Variants in NOMO2 observed in about 807,000 individuals in gnomAD.
NOMO2 encodes BOS complex subunit NOMO2.
NOMO2 carries 14 observed loss-of-function variants against 67.1 expected under a neutral mutation model. The ratio of observed to expected loss-of-function variants is 0.21; its 90% confidence interval spans 0.14 to 0.33. The LOEUF (loss-of-function observed/expected upper bound fraction) is 0.33. Among genes scored for constraint, NOMO2 ranks in the 10% least tolerant of loss-of-function variants. The pLI is 1.00. For synonymous variants in NOMO2, 80 were observed against 305.9 expected, an observed-to-expected ratio of 0.26 and a Z score of 7.71; for missense variants, 178 against 761.0, an observed-to-expected ratio of 0.23 and a Z score of 9.01.
At chr16:18,529,335 G>C (rs1399750178) in intron 15 of NOMO2, 166 bp downstream of exon 15, 2 of 1,189,978 alleles carry the variant, frequency 1.7e-6, no homozygotes, top group Admixed American at 2.0e-5. Context: ...CACTGAGAGA[G>C]TATAAATGCT....
At chr16:18,560,364 G>C (rs59167722) in intron 1 of NOMO2, among the ~76,000 whole-genome samples, 1,937 of 151,182 alleles carry the variant, frequency 0.013, 43 homozygotes, top group African/African-American at 0.045. Context: ...GAGGGTGGAG[G>C]GGGGTGCCTG....
At chr16:18,529,404 C>T (rs1239426294) in intron 15 of NOMO2, 97 bp downstream of exon 15, 1 of 1,610,788 alleles carries the variant, frequency 6.2e-7, no homozygotes, top group Non-Finnish European at 8.5e-7. Context: ...GGAAATCTGA[C>T]TTGCCTACGT....
At chr16:18,550,419 G>A (rs960083445) in intron 4 of NOMO2, among the ~76,000 whole-genome samples, 2 of 150,670 alleles carry the variant, frequency 1.3e-5, no homozygotes, top group Non-Finnish European at 3.0e-5. Flanking sequence ...CCATTATTTT[G>A]CAAACCATCG....
chr16:18,558,953 C>T (rs1480137607), intron 1 of NOMO2: 4 of 446,936 alleles, frequency 8.9e-6, no homozygotes, highest in African/African-American at 6.0e-5. Flanking sequence ...AGGAGGATCA[C>T]CTGAGCCCAG....
chr16:18,555,662 G>A (rs532021844), intron 2 of NOMO2, among the ~76,000 whole-genome samples: 6 of 147,722 alleles, frequency 4.1e-5, no homozygotes, highest in African/African-American at 1.2e-4. Flanking sequence ...AGGCTGGAGT[G>A]AAGTGGTGCG....
intron 1 of NOMO2, among the ~76,000 whole-genome samples, chr16:18,559,972 G>C (rs1485788176): frequency 6.6e-6 from 1 of 151,600 alleles, no homozygotes; most frequent in Admixed American, 6.6e-5. Flanking sequence ...ATCCACACTG[G>C]GGACAAGGCT....
At chr16:18,537,129 A>G (rs928883472) in intron 11 of NOMO2, among the ~76,000 whole-genome samples, 6 of 152,062 alleles carry the variant, frequency 3.9e-5, no homozygotes, top group Non-Finnish European at 7.4e-5. Flanking sequence ...ACCTGCGGCC[A>G]AATCTTCAGG....
chr16:18,536,619 G>A (rs1901429737), intron 11 of NOMO2, among the ~76,000 whole-genome samples: 1 of 152,054 alleles, frequency 6.6e-6, no homozygotes, highest in Non-Finnish European at 1.5e-5. Context: ...CCAAAGTGCT[G>A]GGATGGATTA....
intron 1 of NOMO2, among the ~76,000 whole-genome samples, chr16:18,561,370 T>A (rs957418193): frequency 1.3e-4 from 20 of 150,308 alleles, no homozygotes; most frequent in African/African-American, 4.7e-4. Flanking sequence ...ATCTATGGGA[T>A]GGGAATTGAT....
chr16:18,528,441 T>C (rs1160851347), intron 15 of NOMO2, among the ~76,000 whole-genome samples: 1 of 151,926 alleles, frequency 6.6e-6, no homozygotes, highest in Non-Finnish European at 1.5e-5. Context: ...AGTTGGCACA[T>C]GAAACACCAG....
intron 15 of NOMO2, among the ~76,000 whole-genome samples, chr16:18,528,231 G>A (rs2141716726): frequency 6.7e-6 from 1 of 149,882 alleles, no homozygotes; most frequent in South Asian, 2.2e-4. Context: ...GGGGACAGTG[G>A]GAGGAGATAA....
intron 1 of NOMO2, among the ~76,000 whole-genome samples, chr16:18,559,180 A>C (rs1287659348): frequency 6.6e-6 from 1 of 152,008 alleles, no homozygotes; most frequent in African/African-American, 2.4e-5. Flanking sequence ...AACAAAATAA[A>C]ATAAGTAAAA....
At chr16:18,526,324 T>A (rs887983070) in intron 16 of NOMO2, among the ~76,000 whole-genome samples, 3 of 152,078 alleles carry the variant, frequency 2.0e-5, no homozygotes, top group African/African-American at 7.2e-5. Flanking sequence ...GGTGGGAATA[T>A]CAAATGACAC....
At chr16:18,556,543 GGGGA>G (rs1472299450) in intron 2 of NOMO2, among the ~76,000 whole-genome samples, 5 of 151,066 alleles carry the variant, frequency 3.3e-5, no homozygotes, top group Non-Finnish European at 7.4e-5. Flanking sequence ...CATTAACACA[GGGGA>G]AAAAATGAAA....
chr16:18,551,084 G>C lies in NOMO2; in HGVS notation c.402+355C>G, dbSNP rs577906559. ...GAAGGAGCGGGAGGGTGAGGCAGGA[G>C]AATCACTTGAACCTGGGAGGTGGAG... On this transcript the variant is annotated intron_variant, in intron 4 of 30. Transcript: ENST00000622306. Among the ~76,000 whole-genome samples the C allele has an allele frequency of 7.9e-5, 12 of 151,706 alleles. No homozygotes were observed. The East Asian group carries it at 1.8e-3, about 22-fold the overall frequency.
chr16:18,536,471 T>C (rs1398396243), intron 11 of NOMO2, among the ~76,000 whole-genome samples: 1 of 152,108 alleles, frequency 6.6e-6, no homozygotes, highest in East Asian at 1.9e-4. Context: ...TATTTTTTAA[T>C]TTTTATCTCT....
rs561837157 is a variant in NOMO2, at chr16:18,560,634, A to T, written c.165+1242T>A. On this transcript the variant is annotated intron_variant, in intron 1 of 30. Transcript: ENST00000622306. Reference sequence around the variant, plus strand: ...TCTTCAGCCTGAAAAAGCAGCAAACAACGGGGCCTTGAAGAAGATCACGGA... The same window carrying T: ...TCTTCAGCCTGAAAAAGCAGCAAACTACGGGGCCTTGAAGAAGATCACGGA... Among the ~76,000 whole-genome samples the T allele has an allele frequency of 7.0e-4, 107 of 151,844 alleles. 1 individual carries two copies. Among genetic ancestry groups the T allele is most frequent in the African/African-American group, 2.3e-3 (97 of 41,360 alleles).
chr16:18,529,414 T>G (rs752718415), intron 15 of NOMO2, 87 bp downstream of exon 15: 1 of 1,611,014 alleles, frequency 6.2e-7, no homozygotes, highest in Admixed American at 1.7e-5. Context: ...CTTGCCTACG[T>G]TTACAATATT....
chr16:18,561,894 G>T lies in NOMO2; in HGVS notation c.147C>A (p.Ile49=), dbSNP rs1308700251. The T allele has an allele frequency of 3.2e-6, 5 of 1,567,888 alleles. No individual in the cohort carries two copies. The African/African-American group carries it at 4.1e-5, about 13-fold the overall frequency. ...CGGFVKSDVE[I]NYSLIEIKLY... ...CGCTCACCTCGATGAGCGAGTAGTT[G>T]ATCTCCACGTCCGACTTGACGAAGC... The change falls in exon 1 of 31, where the codon ATC becomes ATA. Residue 49 remains isoleucine, a synonymous_variant. Coordinates refer to ENST00000622306, the MANE Select transcript of NOMO2 (RefSeq NM_173614.4).
Sources: allele counts gnomAD v4.1 joint callset (sites outside exome capture counted in the v4.1 genomes callset), GRCh38; gene constraint gnomAD v4.1.1; transcripts MANE v1.5; gene names NCBI Gene and HGNC (gene_info 2026-07-23, HGNC 2026-07-21).